The following FIP1L1 variants were observed in gnomAD, a reference collection of about 807,000 sequenced individuals.
The protein encoded by FIP1L1 is factor interacting with PAPOLA and CPSF1.
A neutral mutation model predicts 84.6 loss-of-function variants in FIP1L1; 21 were observed. The ratio of observed to expected loss-of-function variants is 0.25; its 90% CI spans 0.18 to 0.36. The LOEUF (loss-of-function observed/expected upper bound fraction) is 0.36. Ranked by LOEUF, FIP1L1 falls within the 10% of genes least tolerant of loss-of-function variation. FIP1L1 has a pLI of 1.00. For synonymous variants in FIP1L1, 263 were observed against 242.3 expected (o/e 1.09, Z -0.80); for missense variants, 526 against 751.1 (o/e 0.70, Z 3.50).
chr4:53,404,029 C>CTT (rs1344846624), intron 10 of FIP1L1, among the ~76,000 whole-genome samples: 1 of 147,292 alleles, frequency 6.8e-6, no homozygotes, highest in Non-Finnish European at 1.5e-5. Context: ...TTTTATTATA[C>CTT]TTTAAGTTTT....
chr4:53,445,369 T>A (rs1773747554), intron 15 of FIP1L1, among the ~76,000 whole-genome samples: 1 of 152,056 alleles, frequency 6.6e-6, no homozygotes, highest in Non-Finnish European at 1.5e-5. Context: ...AAAAAATAAT[T>A]TTCTCCCTAC....
At chr4:53,390,705 T>G in intron 7 of FIP1L1, 77 bp downstream of exon 7, 1 of 852,012 alleles carries the variant, frequency 1.2e-6, no homozygotes, top group Admixed American at 2.7e-5. Context: ...AACATCAATT[T>G]AGAATTTTAT....
rs1047610879 is a variant in FIP1L1, at chr4:53,383,876, G to C, written c.332G>C (p.Gly111Ala). The change falls in exon 5 of 18, where the codon GGG (glycine) becomes GCG (alanine). Residue 111 changes from glycine to alanine, a missense_variant and splice_region_variant. Physicochemically the swap from Gly to Ala is moderately conservative, Grantham distance 60. Around this residue, in one of 6 missense-constraint regions of FIP1L1, gnomAD observed 169 missense variants for 206.9 expected, o/e 0.82. Transcript: ENST00000337488. ...GDIKTGAPQY[G>A]SYGTAPVNLN... is the part of the protein sequence containing the mutation. ...ATTAAAACGGGAGCACCACAGTATGGGTAAGTTATTTTTTAGTAAGTAACA... is the reference window on the plus strand; with the variant it reads ...ATTAAAACGGGAGCACCACAGTATGCGTAAGTTATTTTTTAGTAAGTAACA... 5 of 1,608,356 alleles carry C rather than the reference G, an allele frequency of 3.1e-6. No homozygotes were observed. The Admixed American group carries it at 6.8e-5, about 22-fold the overall frequency.
chr4:53,427,313 G>A (rs1219110414), intron 12 of FIP1L1, among the ~76,000 whole-genome samples: 6 of 152,142 alleles, frequency 3.9e-5, no homozygotes, highest in Non-Finnish European at 8.8e-5. Context: ...CATCCTTGGG[G>A]AGCTTATCAA....
chr4:53,444,689 A>G (rs983424612), intron 15 of FIP1L1, among the ~76,000 whole-genome samples: 1 of 152,068 alleles, frequency 6.6e-6, no homozygotes, highest in African/African-American at 2.4e-5. Flanking sequence ...CAACCTCCTG[A>G]ACTAAAGTGA....
intron 5 of FIP1L1, among the ~76,000 whole-genome samples, chr4:53,387,728 G>A (rs1427023814): frequency 6.6e-6 from 1 of 152,186 alleles, no homozygotes; most frequent in Non-Finnish European, 1.5e-5. Flanking sequence ...TAAAAATACT[G>A]TTTTATTCTA....
At chr4:53,453,175 G>A (rs772705698) in intron 16 of FIP1L1, 42 bp downstream of exon 16, 3 of 1,600,286 alleles carry the variant, frequency 1.9e-6, no homozygotes, top group Non-Finnish European at 1.7e-6. Context: ...TATTTTATAA[G>A]CACTTACAAA....
rs1206662171 is a variant in FIP1L1, at chr4:53,377,789, GGTTGGAGGGGGCT to G, written c.-45_-33del. The G allele has an allele frequency of 6.7e-7, 1 of 1,492,590 alleles. No homozygotes were observed. 92.5% of individuals were successfully genotyped at this position (1,492,590 alleles called of 1,614,324 possible). A position where few individuals can be genotyped will look rare whatever the true frequency, so the allele number is the denominator to read the frequency against. On this transcript the variant is annotated 5_prime_UTR_variant, in exon 1 of 18. It introduces an in-frame stop codon into an upstream open reading frame of the 5' UTR. Coordinates refer to ENST00000337488, the MANE Select transcript of FIP1L1 (RefSeq NM_030917.4). ...CTCGGGGCTGCGAGGCTGGGGAAGGGGTTGGAGGGGGCTGTTGATCGCCGCGTTTAAGTTGCGC... is the reference window on the plus strand; with the variant it reads ...CTCGGGGCTGCGAGGCTGGGGAAGGGGTTGATCGCCGCGTTTAAGTTGCGC...
At chr4:53,418,685 A>G (rs1279028514) in intron 11 of FIP1L1, among the ~76,000 whole-genome samples, 1 of 151,982 alleles carries the variant, frequency 6.6e-6, no homozygotes, top group Non-Finnish European at 1.5e-5. Context: ...GTGATAGTTT[A>G]TTTTTCTTAA....
intron 3 of FIP1L1, among the ~76,000 whole-genome samples, chr4:53,381,827 A>T (rs1738220283): frequency 7.4e-6 from 1 of 134,834 alleles, no homozygotes; most frequent in Non-Finnish European, 1.5e-5. Context: ...TGGCATGATC[A>T]CTGCAGCCTC....
At chr4:53,391,882 G>A (rs2149390438) in intron 9 of FIP1L1, among the ~76,000 whole-genome samples, 1 of 152,214 alleles carries the variant, frequency 6.6e-6, no homozygotes, top group East Asian at 1.9e-4. Context: ...AAGGAAGGTG[G>A]CATACTGTTT....
At chr4:53,416,505 G>A (rs1480514841) in intron 11 of FIP1L1, among the ~76,000 whole-genome samples, 1 of 152,150 alleles carries the variant, frequency 6.6e-6, no homozygotes, top group Non-Finnish European at 1.5e-5. Context: ...TTTCTGACTA[G>A]TCCCTGGTTT....
chr4:53,408,119 G>T (rs1489844132), intron 10 of FIP1L1, among the ~76,000 whole-genome samples: 2 of 152,180 alleles, frequency 1.3e-5, no homozygotes, highest in Non-Finnish European at 2.9e-5. Flanking sequence ...GCATGATTTT[G>T]CAGTGGCTGG....
chr4:53,430,689 G>A (rs1333184145), intron 13 of FIP1L1, among the ~76,000 whole-genome samples: 2 of 152,056 alleles, frequency 1.3e-5, no homozygotes, highest in Admixed American at 1.3e-4. Context: ...TTTGAAGAGT[G>A]TTTAGGTTAT....
At chr4:53,426,450 G>A (rs186147148) in intron 12 of FIP1L1, among the ~76,000 whole-genome samples, 3 of 152,192 alleles carry the variant, frequency 2.0e-5, no homozygotes, top group Admixed American at 2.0e-4. Flanking sequence ...TCACATGTGA[G>A]GTTGGGTGTG....
At chr4:53,438,668 T>C (rs1194950572) in intron 13 of FIP1L1, among the ~76,000 whole-genome samples, 3 of 152,324 alleles carry the variant, frequency 2.0e-5, no homozygotes, top group South Asian at 4.1e-4. Context: ...TTTTTGTCTG[T>C]CCTATGATAC....
chr4:53,458,359 A>C (rs1417028660), intron 16 of FIP1L1, among the ~76,000 whole-genome samples: 1 of 152,156 alleles, frequency 6.6e-6, no homozygotes, highest in Non-Finnish European at 1.5e-5. Context: ...CAAGAAATGA[A>C]AAAACCAAAG....
chr4:53,430,799 G>A (rs1339324606), intron 13 of FIP1L1, among the ~76,000 whole-genome samples: 2 of 151,976 alleles, frequency 1.3e-5, no homozygotes, highest in Admixed American at 6.6e-5. Context: ...TTTTAAAATC[G>A]AGATTTCCTT....
At chr4:53,417,622 A>C (rs1356209123) in intron 11 of FIP1L1, among the ~76,000 whole-genome samples, 1 of 147,448 alleles carries the variant, frequency 6.8e-6, no homozygotes, top group Non-Finnish European at 1.5e-5. Flanking sequence ...AGCCTAGGCA[A>C]CAACAGCAAA....
Sources: gnomAD v4.1 joint callset for allele counts (sites outside exome capture counted in the v4.1 genomes callset) on GRCh38, gnomAD v4.1.1 for gene constraint, gnomAD v4.1.1 regional missense constraint, MANE v1.5 for transcripts, NCBI Gene and HGNC (gene_info 2026-07-23, HGNC 2026-07-21) for gene names.